ABLIM1: variants seen among roughly 807,000 people sequenced by gnomAD.
ABLIM1 encodes actin binding LIM protein 1.
In ABLIM1, 40 loss-of-function variants were observed where a neutral mutation model predicts 107.0. That is an observed-to-expected ratio of 0.37 (90% CI 0.29 to 0.49). The LOEUF (loss-of-function observed/expected upper bound fraction) is 0.49. ABLIM1 is among the 20% of genes least tolerant of loss of function. The probability of loss-of-function intolerance (pLI) is 0.97; values close to 1 mark genes in which losing one functional copy is unlikely to be tolerated. For synonymous variants in ABLIM1, 357 were observed against 357.3 expected (o/e 1.00, Z 0.01); for missense variants, 857 against 1,008.5 (o/e 0.85, Z 2.04).
intron 1 of ABLIM1, among the ~76,000 whole-genome samples, chr10:114,656,376 T>G (rs75144270): frequency 0.013 from 1,897 of 151,532 alleles, 48 homozygotes; most frequent in African/African-American, 0.044. Flanking sequence ...ATGGAGTAAC[T>G]GCTTTGTGAA....
At chr10:114,499,307 C>T (rs1256149324) in intron 6 of ABLIM1, among the ~76,000 whole-genome samples, 2 of 152,162 alleles carry the variant, frequency 1.3e-5, no homozygotes, top group African/African-American at 4.8e-5. Flanking sequence ...GAAGTCACTT[C>T]CATAGAGGAA....
chr10:114,453,558 A>C, intron 12 of ABLIM1, 75 bp from the exon 13 acceptor site: 2 of 1,282,248 alleles, frequency 1.6e-6, no homozygotes, highest in South Asian at 1.6e-5. Context: ...AAGTGTAATA[A>C]AAATTCAAAA....
intron 2 of ABLIM1, among the ~76,000 whole-genome samples, chr10:114,582,694 A>G (rs980696277): frequency 2.6e-5 from 4 of 152,198 alleles, no homozygotes; most frequent in African/African-American, 9.6e-5. Context: ...TAGAGAACCC[A>G]GAAATAAAGT....
intron 8 of ABLIM1, among the ~76,000 whole-genome samples, chr10:114,484,680 G>T (rs985170850): frequency 6.6e-6 from 1 of 152,128 alleles, no homozygotes; most frequent in Non-Finnish European, 1.5e-5. Flanking sequence ...ACTGTGCCTG[G>T]TCTCACTCTT....
intron 1 of ABLIM1, among the ~76,000 whole-genome samples, chr10:114,683,345 A>G (rs1318798847): frequency 2.0e-5 from 3 of 152,240 alleles, no homozygotes; most frequent in East Asian, 1.9e-4. Flanking sequence ...CTTTTAAATC[A>G]GCATAGTCTT....
chr10:114,756,884 C>T (rs1390056134), intron 1 of ABLIM1, among the ~76,000 whole-genome samples: 1 of 152,178 alleles, frequency 6.6e-6, no homozygotes, highest in African/African-American at 2.4e-5. Flanking sequence ...CATCGTGCCA[C>T]TGGACACGTT....
intron 2 of ABLIM1, among the ~76,000 whole-genome samples, chr10:114,577,317 T>C (rs1288608007): frequency 1.3e-5 from 2 of 152,206 alleles, no homozygotes; most frequent in Admixed American, 1.3e-4. Flanking sequence ...CAAGTTCTGA[T>C]GACTCAGTTA....
chr10:114,709,097 C>A (rs1212547636), intron 1 of ABLIM1, among the ~76,000 whole-genome samples: 1 of 152,188 alleles, frequency 6.6e-6, no homozygotes, highest in Non-Finnish European at 1.5e-5. Flanking sequence ...AGTTAAGTTA[C>A]TGCTAGCTAT....
chr10:114,690,165 G>A, intron 1 of ABLIM1: 1 of 1,378,596 alleles, frequency 7.3e-7, no homozygotes, highest in South Asian at 1.2e-5. Context: ...TCCACAGTCA[G>A]CAATGGTGAT....
intron 2 of ABLIM1, among the ~76,000 whole-genome samples, chr10:114,598,335 C>G (rs961601615): frequency 6.7e-6 from 1 of 149,686 alleles, no homozygotes; most frequent in African/African-American, 2.5e-5. Flanking sequence ...TGCCTGTATC[C>G]CCATGCTTTG....
intron 1 of ABLIM1, among the ~76,000 whole-genome samples, chr10:114,642,571 G>T (rs973315557): frequency 2.0e-5 from 3 of 152,216 alleles, no homozygotes; most frequent in African/African-American, 7.2e-5. Context: ...GATGAAGAAA[G>T]ATTTTTTTAA....
chr10:114,585,728 A>G (rs1412832528), intron 2 of ABLIM1, among the ~76,000 whole-genome samples: 1 of 152,054 alleles, frequency 6.6e-6, no homozygotes, highest in African/African-American at 2.4e-5. Context: ...GGTGATGCCA[A>G]CTTCACCCAG....
chr10:114,445,940 T>C (rs1277298365), intron 15 of ABLIM1, among the ~76,000 whole-genome samples: 1 of 152,174 alleles, frequency 6.6e-6, no homozygotes, highest in Non-Finnish European at 1.5e-5. Flanking sequence ...CTACTGATTT[T>C]TAAATATTTT....
At chr10:114,651,617 TG>T (rs2079247923) in intron 1 of ABLIM1, among the ~76,000 whole-genome samples, 1 of 152,090 alleles carries the variant, frequency 6.6e-6, no homozygotes, top group Non-Finnish European at 1.5e-5. Context: ...CGTATGATTC[TG>T]GGAAATATGA....
the ABLIM1 span, among the ~76,000 whole-genome samples, chr10:114,789,843 G>A: frequency 6.7e-6 from 1 of 149,040 alleles, no homozygotes; most frequent in Non-Finnish European, 1.5e-5. Flanking sequence ...AGGCTGAAGT[G>A]CAGTGGCATG....
intron 4 of ABLIM1, among the ~76,000 whole-genome samples, chr10:114,554,526 C>T (rs986461269): frequency 4.6e-5 from 7 of 152,146 alleles, no homozygotes; most frequent in African/African-American, 1.7e-4. Flanking sequence ...GTGAGACCCC[C>T]GTCTCTACAG....
At chr10:114,485,516 T>G in intron 8 of ABLIM1, 1 of 749,224 alleles carries the variant, frequency 1.3e-6, no homozygotes, top group Non-Finnish European at 2.1e-6. Flanking sequence ...AGTGGGATTC[T>G]TTCATTGATG....
intron 6 of ABLIM1, among the ~76,000 whole-genome samples, chr10:114,530,987 T>TA (rs1195881425): frequency 7.2e-5 from 11 of 152,188 alleles, no homozygotes; most frequent in Admixed American, 7.2e-4. Flanking sequence ...AGATGCCTGG[T>TA]AAAAAAGTAA....
chr10:114,718,109 A>AG (rs1205420387), intron 1 of ABLIM1, among the ~76,000 whole-genome samples: 1 of 43,342 alleles, frequency 2.3e-5, no homozygotes, highest in Non-Finnish European at 6.8e-5. Context: ...GAAAAAGAAA[A>AG]AGAAAGAAAG....
Sources: gnomAD v4.1 joint callset for allele counts (sites outside exome capture counted in the v4.1 genomes callset) on GRCh38, gnomAD v4.1.1 for gene constraint, MANE v1.5 for transcripts, NCBI Gene and HGNC (gene_info 2026-07-23, HGNC 2026-07-21) for gene names.